PTPRN2: variants seen among roughly 807,000 people sequenced by gnomAD.
The protein encoded by PTPRN2 is receptor-type tyrosine-protein phosphatase N2.
A neutral mutation model predicts 118.8 loss-of-function variants in PTPRN2; 74 were observed. That is an observed-to-expected ratio of 0.62 (90% CI 0.52 to 0.76). The LOEUF is 0.76. Ranked by LOEUF, PTPRN2 falls within the 30% of genes least tolerant of loss-of-function variation. The probability of loss-of-function intolerance (pLI) is 0.00; values close to 1 mark genes in which losing one functional copy is unlikely to be tolerated. For missense variants in PTPRN2, 1,481 were observed against 1,394.4 expected (o/e 1.06, Z -0.99); for synonymous variants, 641 against 608.0 (o/e 1.05, Z -0.80).
chr7:158,163,389 A>G lies in PTPRN2; in HGVS notation c.910+3542T>C, dbSNP rs188874089. Among the ~76,000 whole-genome samples, 472 of 148,230 alleles carry G rather than the reference A, an allele frequency of 3.2e-3. 2 individuals are homozygous for G. The highest frequency in any genetic ancestry group is 0.011 in the African/African-American group (433 of 39,428). ...TCTCAATATTCTCTGCGTGTTTCATAGGTGATGCCTGCACGGGGTTCTCAA... is the reference window on the plus strand; with the variant it reads ...TCTCAATATTCTCTGCGTGTTTCATGGGTGATGCCTGCACGGGGTTCTCAA... On this transcript the variant is annotated intron_variant, in intron 6 of 22. Coordinates refer to ENST00000389418, the MANE Select transcript of PTPRN2 (RefSeq NM_002847.5).
chr7:158,165,323 G>T (rs952354329), intron 6 of PTPRN2, among the ~76,000 whole-genome samples: 3 of 152,218 alleles, frequency 2.0e-5, no homozygotes, highest in Non-Finnish European at 4.4e-5. Context: ...GAGAGGTGCT[G>T]GAGGGAAAGT....
At chr7:158,119,675 A>G (rs1012989173) in intron 9 of PTPRN2, among the ~76,000 whole-genome samples, 1 of 152,052 alleles carries the variant, frequency 6.6e-6, no homozygotes, top group Non-Finnish European at 1.5e-5. Flanking sequence ...AATTGTTATA[A>G]TTGTTCTATT....
chr7:157,596,482 T>C lies in PTPRN2; in HGVS notation c.2419-1167A>G, dbSNP rs182767040. Among the ~76,000 whole-genome samples, 12 of 152,326 alleles carry C rather than the reference T, an allele frequency of 7.9e-5. No individual in the cohort carries two copies. In the South Asian group the frequency reaches 1.0e-3, roughly 13 times the overall value. ...TAATTATTACATTTATTTCGAAGAT[T>C]AAGCACAGAAAAAAGAACTTGAGGA... On this transcript the variant is annotated intron_variant, in intron 16 of 22. Coordinates refer to ENST00000389418, the MANE Select transcript of PTPRN2 (RefSeq NM_002847.5). The surrounding 1 kb of genome is among the most constrained non-coding windows in gnomAD (Gnocchi z 4.2).
Position 157,869,325 on chromosome 7 carries a change from T to G in PTPRN2, c.1788+29348A>C, listed in dbSNP as rs1810913292. On this transcript the variant is annotated intron_variant, in intron 12 of 22. Coordinates refer to ENST00000389418, the MANE Select transcript of PTPRN2 (RefSeq NM_002847.5). This position sits in a 1 kb window ranked among gnomAD's most constrained non-coding sequence, Gnocchi z 4.2. ...GCATATAAAATTCCTAGGGATAATT[T>G]CATTTGATGACAGAGTTACACTTAA... Among the ~76,000 whole-genome samples, 1 of 152,202 alleles carries G rather than the reference T, an allele frequency of 6.6e-6. No individual in the cohort carries two copies. Among genetic ancestry groups the G allele is most frequent in the South Asian group, 2.1e-4 (1 of 4,832 alleles).
intron 11 of PTPRN2, among the ~76,000 whole-genome samples, chr7:157,967,478 T>G (rs1802030225): frequency 6.6e-6 from 1 of 152,162 alleles, no homozygotes; most frequent in African/African-American, 2.4e-5. Context: ...TCTATCTCAT[T>G]TACGTGGCTG....
intron 1 of PTPRN2, among the ~76,000 whole-genome samples, chr7:158,550,117 A>G (rs1290027779): frequency 6.6e-6 from 1 of 152,190 alleles, no homozygotes; most frequent in Non-Finnish European, 1.5e-5. Context: ...AAAGACGGAG[A>G]TAGCCTGTGC....
intron 5 of PTPRN2, among the ~76,000 whole-genome samples, chr7:158,190,688 GA>G (rs1825686448): frequency 1.3e-5 from 2 of 152,220 alleles, no homozygotes; most frequent in African/African-American, 4.8e-5. Context: ...CCATGATCAG[GA>G]AAAACACAAA....
chr7:158,256,089 GA>G (rs1222662021), intron 3 of PTPRN2, among the ~76,000 whole-genome samples: 1 of 152,206 alleles, frequency 6.6e-6, no homozygotes, highest in Non-Finnish European at 1.5e-5. Flanking sequence ...CTCATCCAGG[GA>G]TGTCCCGTGT....
At chr7:157,688,414 AC>A (rs1797299035) in intron 12 of PTPRN2, among the ~76,000 whole-genome samples, 1 of 152,180 alleles carries the variant, frequency 6.6e-6, no homozygotes. Flanking sequence ...GGAGAGAGGG[AC>A]CCAGAGGCTG....
intron 11 of PTPRN2, among the ~76,000 whole-genome samples, chr7:157,997,366 C>G (rs940926990): frequency 1.3e-5 from 2 of 152,248 alleles, no homozygotes; most frequent in African/African-American, 2.4e-5. Flanking sequence ...TCCTGCCTGT[C>G]CTGGGAAGGC....
intron 2 of PTPRN2, among the ~76,000 whole-genome samples, chr7:158,468,745 A>G (rs1819561447): frequency 1.3e-5 from 2 of 152,104 alleles, no homozygotes; most frequent in Admixed American, 6.6e-5. Context: ...TCGAGACTCT[A>G]TTGTGCATAC....
In PTPRN2 at chr7:157,675,792, G is replaced by A. The variant is rs77050165; in HGVS notation, c.2001+6933C>T. The stretch of plus-strand genomic sequence containing the variant: ...ACAGGGCTGCCCTCATCCGCATGGC[G>A]GCCCAAGAGGAGGCCCCAGTTCATA... On this transcript the variant is annotated intron_variant, in intron 13 of 22. Transcript: ENST00000389418. Among the ~76,000 whole-genome samples the A allele has an allele frequency of 2.5e-3, 383 of 152,278 alleles. 9 individuals are homozygous for A. The East Asian group carries it at 0.038, about 15-fold the overall frequency.
Position 157,560,404 on chromosome 7 carries a change from G to A in PTPRN2, c.2902+8498C>T, listed in dbSNP as rs550934271. Among the ~76,000 whole-genome samples the A allele has an allele frequency of 4.6e-5, 7 of 150,944 alleles. No individual in the cohort carries two copies. The South Asian group carries it at 6.3e-4, about 14-fold the overall frequency. On this transcript the variant is annotated intron_variant, in intron 21 of 22. Coordinates refer to ENST00000389418, the MANE Select transcript of PTPRN2 (RefSeq NM_002847.5). The surrounding 1 kb of genome is among the most constrained non-coding windows in gnomAD (Gnocchi z 6.7). The stretch of plus-strand genomic sequence containing the variant: ...CCAGCGGGTCTCATGCTGTCCACAC[G>A]CTCCCACCAGGCGATCGACACCAGG...
chr7:158,204,271 T>A (rs1475337162), intron 4 of PTPRN2, among the ~76,000 whole-genome samples: 1 of 151,460 alleles, frequency 6.6e-6, no homozygotes, highest in Non-Finnish European at 1.5e-5. Context: ...CCGCCCTCAG[T>A]GTGCGCCGCG....
At chr7:157,970,721 A>G (rs1338801550) in intron 11 of PTPRN2, among the ~76,000 whole-genome samples, 2 of 148,592 alleles carry the variant, frequency 1.3e-5, no homozygotes, top group African/African-American at 5.0e-5. Flanking sequence ...CACAACACAC[A>G]TGGACAGCCC....
intron 2 of PTPRN2, among the ~76,000 whole-genome samples, chr7:158,480,659 A>G (rs1157223163): frequency 6.6e-6 from 1 of 152,254 alleles, no homozygotes; most frequent in Non-Finnish European, 1.5e-5. Context: ...GGAGAAAATT[A>G]AAAGTGCTAC....
intron 9 of PTPRN2, among the ~76,000 whole-genome samples, chr7:158,123,760 G>A (rs911561274): frequency 7.2e-5 from 11 of 152,322 alleles, no homozygotes; most frequent in African/African-American, 1.7e-4. Flanking sequence ...ATCTAGGTAC[G>A]GAAGGTCTAT....
At chr7:157,644,815 A>AAC (rs549669950) in intron 14 of PTPRN2, among the ~76,000 whole-genome samples, 225 of 149,892 alleles carry the variant, frequency 1.5e-3, no homozygotes, top group Non-Finnish European at 2.2e-3. Context: ...AAAAAAAAAA[A>AAC]CAAAAAACAA....
intron 12 of PTPRN2, among the ~76,000 whole-genome samples, chr7:157,701,053 G>A (rs951681246): frequency 2.6e-5 from 4 of 152,194 alleles, no homozygotes; most frequent in Admixed American, 6.5e-5. Context: ...TGACAGCAGC[G>A]GCTCCATCCT....
Sources: allele counts gnomAD v4.1 joint callset (sites outside exome capture counted in the v4.1 genomes callset), GRCh38; gene constraint gnomAD v4.1.1; non-coding constraint Gnocchi (gnomAD v3.1); transcripts MANE v1.5; gene names NCBI Gene and HGNC (gene_info 2026-07-23, HGNC 2026-07-21).